The following ZNF85 variants were observed in gnomAD, a reference collection of about 807,000 sequenced individuals.
The protein encoded by ZNF85 is zinc finger protein 85 (HPF4, HTF1).
Under a neutral mutation model 53.9 loss-of-function variants are expected in ZNF85, and 50 were observed. The observed-to-expected ratio is 0.93, with a 90% confidence interval of 0.74 to 1.17. The LOEUF is 1.17. ZNF85 is among the 50% of genes most tolerant of loss of function. ZNF85 has a pLI of 0.00. For synonymous variants in ZNF85, 225 were observed against 226.1 expected, an observed-to-expected ratio of 1.00 and a Z score of 0.04; for missense variants, 747 against 688.5, an observed-to-expected ratio of 1.08 and a Z score of -0.95.
intron 3 of ZNF85, among the ~76,000 whole-genome samples, chr19:20,942,154 A>ATAT (rs947969781): frequency 2.0e-5 from 3 of 150,482 alleles, no homozygotes; most frequent in African/African-American, 4.9e-5. Flanking sequence ...TGTAGCTTTT[A>ATAT]TATTATTATT....
At chr19:20,937,193 G>A (rs367933110) in intron 3 of ZNF85, 3 of 379,364 alleles carry the variant, frequency 7.9e-6, no homozygotes, top group East Asian at 7.5e-5. Context: ...CACAACGTCT[G>A]GCCAATTTTT....
At chr19:20,943,446 C>T (rs1973347243) in intron 3 of ZNF85, 1 of 152,198 alleles carries the variant, frequency 6.6e-6, no homozygotes, top group South Asian at 2.1e-4. Flanking sequence ...TGTGATATGT[C>T]CAGTTACTGT....
chr19:20,942,849 C>T (rs766739395), intron 3 of ZNF85: 2 of 698,822 alleles, frequency 2.9e-6, no homozygotes, highest in Middle Eastern at 2.9e-4. Flanking sequence ...GATTTTGGCC[C>T]ACTGCAGCCT....
chr19:20,948,652 A>C, intron 3 of ZNF85, 92 bp from the exon 4 acceptor site: 1 of 970,636 alleles, frequency 1.0e-6, no homozygotes. Flanking sequence ...ATCTTACTTA[A>C]TGTAGTTTGT....
chr19:20,925,953 A>G (rs1972871242), intron 1 of ZNF85, among the ~76,000 whole-genome samples: 1 of 152,234 alleles, frequency 6.6e-6, no homozygotes, highest in Admixed American at 6.5e-5. Context: ...AAAAATTAAA[A>G]TCTAATCATA....
In ZNF85 at chr19:20,934,932, T is replaced by C; in HGVS notation, c.131-17T>C. ...GAATATGAGCAAGATTTATATTATT[T>C]ATTTTTAATAAAACAGGTATTACTG... is the stretch of plus-strand genomic sequence containing the variant. On this transcript the variant is annotated splice_polypyrimidine_tract_variant and intron_variant, in intron 2 of 3. Coordinates refer to ENST00000328178, the MANE Select transcript of ZNF85 (RefSeq NM_003429.5). The C allele has an allele frequency of 1.3e-6, 2 of 1,567,224 alleles. No homozygotes were observed. The highest frequency in any genetic ancestry group is 1.7e-6 in the Non-Finnish European group (2 of 1,148,166).
Position 20,949,027 on chromosome 19 carries a change from G to T in ZNF85, c.513G>T (p.Lys171Asn). 1.2e-6 allele frequency: 2 copies of T among 1,613,752 alleles called. No homozygotes were observed. Among genetic ancestry groups the T allele is most frequent in the Non-Finnish European group, 1.7e-6 (2 of 1,179,804 alleles). The change falls in exon 4 of 4, where the codon AAG becomes AAT. Residue 171 changes from lysine (K) to asparagine (N), a missense_variant. Lys to Asn is a moderately conservative substitution (Grantham distance 94). Coordinates refer to ENST00000328178, the MANE Select transcript of ZNF85 (RefSeq NM_003429.5). ...GACATGAGATAAGACATACTAAAAA[G>T]AAACCTTTCAAATGTACAAAATGTG... is the stretch of plus-strand genomic sequence containing the variant. ...SNRHEIRHTK[K>N]KPFKCTKCGK...
chr19:20,931,643 G>A (rs888319401), intron 1 of ZNF85, among the ~76,000 whole-genome samples: 3 of 130,982 alleles, frequency 2.3e-5, no homozygotes, highest in South Asian at 2.4e-4. Flanking sequence ...TTTTTTTGAG[G>A]TGCAGTTTCA....
Position 20,949,498 on chromosome 19 carries a change from C to G in ZNF85, c.984C>G (p.Asn328Lys). Residue 328 changes from asparagine to lysine, a missense_variant, in exon 4 of 4, where the codon AAC becomes AAG. By Grantham distance (94) the Asn-to-Lys change is moderately conservative (BLOSUM62 0). Transcript: ENST00000328178. ...ECGKAFKQSS[N>K]LTTHKIIHTG... The stretch of plus-strand genomic sequence containing the variant: ...GCAAAGCCTTTAAGCAGTCCTCAAA[C>G]CTTACTACACATAAGATAATTCATA... The G allele has an allele frequency of 6.2e-7, 1 of 1,612,688 alleles. No homozygotes were observed. The highest frequency in any genetic ancestry group is 8.5e-7 in the Non-Finnish European group (1 of 1,179,478).
At chr19:20,924,118 C>T (rs1972826651) in intron 1 of ZNF85, among the ~76,000 whole-genome samples, 1 of 151,352 alleles carries the variant, frequency 6.6e-6, no homozygotes, top group African/African-American at 2.4e-5. Context: ...TAGGAGTCAC[C>T]GCAAAAATAT....
chr19:20,950,358 A>T lies in ZNF85; in HGVS notation c.*56A>T, dbSNP rs1973554443. The T allele has an allele frequency of 7.9e-7, 1 of 1,261,710 alleles. No homozygotes were observed. The allele number at this position is 1,261,710 out of a possible 1,614,324, so 78.2% of individuals were successfully genotyped here. On this transcript the variant is annotated 3_prime_UTR_variant, in exon 4 of 4. Transcript: ENST00000328178. Reference sequence around the variant, plus strand: ...AGTCTTACTAAACATAAGAAAATTTATACTGGAGAGAAACTACTAACCTGA... The same window carrying T: ...AGTCTTACTAAACATAAGAAAATTTTTACTGGAGAGAAACTACTAACCTGA...
chr19:20,925,090 G>A (rs1308266108), intron 1 of ZNF85, among the ~76,000 whole-genome samples: 1 of 152,176 alleles, frequency 6.6e-6, no homozygotes, highest in Non-Finnish European at 1.5e-5. Flanking sequence ...AAGGGAGCAG[G>A]TAGATACCCA....
intron 1 of ZNF85, among the ~76,000 whole-genome samples, chr19:20,932,456 TC>T (rs1286930348): frequency 6.6e-6 from 1 of 152,208 alleles, no homozygotes; most frequent in Non-Finnish European, 1.5e-5. Flanking sequence ...CATGCAGAAT[TC>T]CTACCACAAA....
At chr19:20,947,971 G>T (rs1431966538) in intron 3 of ZNF85, among the ~76,000 whole-genome samples, 1 of 151,722 alleles carries the variant, frequency 6.6e-6, no homozygotes, top group African/African-American at 2.4e-5. Flanking sequence ...GGGCTATGTT[G>T]CCCCAATATT....
chr19:20,934,458 A>G (rs140108097), intron 2 of ZNF85, among the ~76,000 whole-genome samples: 1,802 of 152,220 alleles, frequency 0.012, 31 homozygotes, highest in African/African-American at 0.034. Flanking sequence ...TTTTGATTCA[A>G]TAGTACTGGA....
At position 20,950,286 on chromosome 19, in the gene ZNF85, A is replaced by G. The variant is rs1420848111; in HGVS notation, c.1772A>G (p.Glu591Gly). 1 of 1,527,520 alleles carries G rather than the reference A, an allele frequency of 6.5e-7. No individual in the cohort carries two copies. The highest frequency in any genetic ancestry group is 8.8e-7 in the Non-Finnish European group (1 of 1,141,800). The allele number at this position is 1,527,520 out of a possible 1,614,324, so 94.6% of individuals were successfully genotyped here. A position where few individuals can be genotyped will look rare whatever the true frequency, so the allele number is the denominator to read the frequency against. Residue 591 changes from glutamate (E) to glycine (G), a missense_variant, in exon 4 of 4, where the codon GAA becomes GGA. By Grantham distance (98) the Glu-to-Gly change is moderately conservative. Coordinates refer to ENST00000328178, the MANE Select transcript of ZNF85 (RefSeq NM_003429.5). ...AAACATAAGATAATTCATACCGGAG[A>G]AAAATTACAAATATGAAAATTATGG... ...LTKHKIIHTG[E>G]KLQI
chr19:20,942,655 G>A (rs954763846), intron 3 of ZNF85: 2 of 551,880 alleles, frequency 3.6e-6, no homozygotes, highest in Non-Finnish European at 6.4e-6. Flanking sequence ...ATGTTGAAGG[G>A]TGTGTTTTAT....
In ZNF85 at chr19:20,950,049, G is replaced by A. The variant is rs762832276; in HGVS notation, c.1535G>A (p.Cys512Tyr). 4 of 1,613,050 alleles carry A rather than the reference G, an allele frequency of 2.5e-6. No individual in the cohort carries two copies. Among genetic ancestry groups the A allele is most frequent in the Middle Eastern group, 1.7e-4 (1 of 6,058 alleles). ...IIHTGEKPYK[C>Y]EECGKAFNQS... is the part of the protein sequence containing the mutation. ...CATACTGGAGAGAAACCATACAAAT[G>A]TGAAGAATGTGGCAAAGCTTTTAAC... Residue 512 changes from cysteine to tyrosine, a missense_variant, in exon 4 of 4, where the codon TGT (cysteine) becomes TAT (tyrosine). By Grantham distance (194) the Cys-to-Tyr change is radical. Transcript: ENST00000328178.
At chr19:20,947,449 A>T (rs1351217382) in intron 3 of ZNF85, among the ~76,000 whole-genome samples, 1 of 129,830 alleles carries the variant, frequency 7.7e-6, no homozygotes, top group African/African-American at 2.9e-5. Flanking sequence ...TGTTATTTTT[A>T]GCATCTTTGA....
Sources: allele counts gnomAD v4.1 joint callset (sites outside exome capture counted in the v4.1 genomes callset), GRCh38; gene constraint gnomAD v4.1.1; transcripts MANE v1.5; gene names NCBI Gene and HGNC (gene_info 2026-07-23, HGNC 2026-07-21).